The following IVD variants were observed in gnomAD, a reference collection of about 807,000 sequenced individuals.
The protein encoded by IVD is isovaleryl-CoA dehydrogenase, mitochondrial.
A neutral mutation model predicts 51.3 loss-of-function variants in IVD; 31 were observed. The ratio of observed to expected loss-of-function variants is 0.60; its 90% CI spans 0.45 to 0.81. The LOEUF is 0.81. Ranked by LOEUF, IVD falls within the 40% of genes least tolerant of loss-of-function variation. The pLI, the probability that IVD is intolerant of heterozygous loss-of-function variation, is 0.00. For synonymous variants in IVD, 205 were observed against 219.4 expected (o/e 0.93, Z 0.58); for missense variants, 475 against 552.0 (o/e 0.86, Z 1.40).
chr15:40,435,826 C>G (rs898424125), downstream of IVD: 3 of 575,640 alleles, frequency 5.2e-6, no homozygotes, highest in Non-Finnish European at 4.4e-6. Flanking sequence ...CCGCTCTCGG[C>G]TTAGCCCCTT....
chr15:40,423,612 C>A (rs1246992079), downstream of IVD, among the ~76,000 whole-genome samples: 1 of 152,152 alleles, frequency 6.6e-6, no homozygotes, highest in Non-Finnish European at 1.5e-5. Context: ...CAGGTGCACA[C>A]CACCATGCCC....
Position 40,407,734 on chromosome 15 carries a change from G to A in IVD, c.234+9G>A, listed in dbSNP as rs369931477. Reference sequence around the variant, plus strand: ...AGTTCAAGAACCTGCGAGTGAGTTGGGAGGTCCGGGCAGTCGGGGGCAGTC... The same window carrying A: ...AGTTCAAGAACCTGCGAGTGAGTTGAGAGGTCCGGGCAGTCGGGGGCAGTC... On this transcript the variant is annotated intron_variant, in intron 2 of 11. Coordinates refer to ENST00000487418, the MANE Select transcript of IVD (RefSeq NM_002225.5). The A allele has an allele frequency of 4.0e-5, 65 of 1,612,444 alleles. No individual in the cohort carries two copies. In the African/African-American group the frequency reaches 8.3e-4, roughly 21 times the overall value.
rs1893204795 is a variant in IVD, at chr15:40,435,308, G to A, written c.781-109G>A. On this transcript the variant is annotated intron_variant, in intron 8 of 8. Transcript: ENST00000473112. ...GCGAGTGAGGGAGGAGTGGAGCATG[G>A]GGGTCTCTCCATTTCTTCCCCGGGG... The A allele has an allele frequency of 4.1e-6, 3 of 738,088 alleles. No individual in the cohort carries two copies. In the South Asian group the frequency reaches 1.6e-4, roughly 41 times the overall value. The allele number at this position is 738,088 out of a possible 1,614,324, so 45.7% of individuals were successfully genotyped here. A position where few individuals can be genotyped will look rare whatever the true frequency, so the allele number is the denominator to read the frequency against.
downstream of IVD, among the ~76,000 whole-genome samples, chr15:40,429,395 A>T (rs1482970423): frequency 1.3e-5 from 2 of 152,214 alleles, no homozygotes; most frequent in East Asian, 3.8e-4. Context: ...GGGCCAAAAA[A>T]GTTTACGAGT....
At position 40,416,197 on chromosome 15, in the gene IVD, C is replaced by T. The variant is rs771914550; in HGVS notation, c.1065+15C>T. 1.2e-6 allele frequency: 2 copies of T among 1,613,862 alleles called. No homozygotes were observed. The highest frequency in any genetic ancestry group is 1.7e-5 in the Admixed American group (1 of 60,010). The stretch of plus-strand genomic sequence containing the variant: ...GCACTGCTAAGGTGAGGGCCAGCCT[C>T]AGTCGGGGAGAGGCGGGGGCAGTGG... On this transcript the variant is annotated intron_variant, in intron 10 of 11. Coordinates refer to ENST00000487418, the MANE Select transcript of IVD (RefSeq NM_002225.5).
At chr15:40,408,881 C>T (rs939907906) in intron 3 of IVD, among the ~76,000 whole-genome samples, 5 of 151,650 alleles carry the variant, frequency 3.3e-5, no homozygotes, top group Non-Finnish European at 7.4e-5. Context: ...ACCTGGGAGG[C>T]GGAGGTTGCA....
rs1267469376 is a variant in IVD at position 40,418,496 on chromosome 15, A to G, written c.*233A>G. The G allele has an allele frequency of 1.0e-5, 14 of 1,357,568 alleles. No homozygotes were observed. Among genetic ancestry groups the G allele is most frequent in the Middle Eastern group, 2.8e-4 (1 of 3,510 alleles). 84.1% of individuals were successfully genotyped at this position (1,357,568 alleles called of 1,614,324 possible). A position where few individuals can be genotyped will look rare whatever the true frequency, so the allele number is the denominator to read the frequency against. ...GTGATTTAAAATGGACTCAGCAGGA[A>G]GCATATTGTCTGGGGATTGTTGGGA... On this transcript the variant is annotated 3_prime_UTR_variant, in exon 12 of 12. Coordinates refer to ENST00000487418, the MANE Select transcript of IVD (RefSeq NM_002225.5).
intron 7 of IVD, chr15:40,433,776 A>T (rs1264663490): frequency 4.5e-6 from 2 of 445,536 alleles, no homozygotes; most frequent in Non-Finnish European, 9.0e-6. Context: ...TTTGCCAGGT[A>T]TCATGCCATG....
chr15:40,408,952 A>G (rs553965338), intron 3 of IVD, among the ~76,000 whole-genome samples: 2 of 152,228 alleles, frequency 1.3e-5, no homozygotes, highest in Admixed American at 6.5e-5. Context: ...TCCGTTTCAA[A>G]AAAAAAAGCC....
In IVD at chr15:40,420,220, C is replaced by T. The variant is rs538600078; in HGVS notation, c.*1957C>T. 1 of 986,556 alleles carries T rather than the reference C, an allele frequency of 1.0e-6. No homozygotes were observed. The highest frequency in any genetic ancestry group is 1.2e-6 in the Non-Finnish European group (1 of 830,202). The allele number at this position is 986,556 out of a possible 1,614,324, so 61.1% of individuals were successfully genotyped here. A position where few individuals can be genotyped will look rare whatever the true frequency, so the allele number is the denominator to read the frequency against. On this transcript the variant is annotated 3_prime_UTR_variant, in exon 12 of 12. Transcript: ENST00000487418. The stretch of plus-strand genomic sequence containing the variant: ...GACTGGCTCCTCCTGTACAGCACCT[C>T]TGAGCCCTTGTGCACCGCCCTGCCA...
intron 6 of IVD, 66 bp downstream of exon 6, chr15:40,411,757 G>A (rs1891114469): frequency 7.1e-6 from 11 of 1,557,346 alleles, no homozygotes; most frequent in African/African-American, 2.7e-5. Context: ...GAGATAGCCC[G>A]TTCACTGATC....
intron 1 of IVD, 59 bp downstream of exon 1, chr15:40,406,030 C>G (rs1157786902): frequency 7.2e-7 from 1 of 1,379,672 alleles, no homozygotes; most frequent in African/African-American, 1.4e-5. Context: ...GTCCCCAAGG[C>G]CTCCTTCCTG....
rs1035492488 is a variant in IVD, at chr15:40,407,931, G to A, written c.235-8G>A. 3 of 1,614,028 alleles carry A rather than the reference G, an allele frequency of 1.9e-6. No individual in the cohort carries two copies. Among genetic ancestry groups the A allele is most frequent in the Middle Eastern group, 1.7e-4 (1 of 6,038 alleles). ...CACTTATTCCACTCTGCTCCATTCTGTTGGCAGGAATTTTGGAAGCAGCTG... is the reference window on the plus strand; with the variant it reads ...CACTTATTCCACTCTGCTCCATTCTATTGGCAGGAATTTTGGAAGCAGCTG... On this transcript the variant is annotated splice_polypyrimidine_tract_variant and splice_region_variant and intron_variant, in intron 2 of 11. Coordinates refer to ENST00000487418, the MANE Select transcript of IVD (RefSeq NM_002225.5).
chr15:40,407,716 G>A lies in IVD; in HGVS notation c.225G>A (p.Lys75=), dbSNP rs1018215813. The A allele has an allele frequency of 4.3e-6, 7 of 1,614,092 alleles. No homozygotes were observed. Among genetic ancestry groups the A allele is most frequent in the Admixed American group, 1.7e-5 (1 of 60,030 alleles). The change falls in exon 2 of 12, where the codon AAG becomes AAA. Residue 75 remains lysine, a synonymous_variant. Coordinates refer to ENST00000487418, the MANE Select transcript of IVD (RefSeq NM_002225.5). ...AQEIDRSNEF[K]NLREFWKQLG... is the part of the protein sequence containing the mutation. ...AGATCGATCGCAGCAATGAGTTCAA[G>A]AACCTGCGAGTGAGTTGGGAGGTCC... is the stretch of plus-strand genomic sequence containing the variant.
downstream of IVD, among the ~76,000 whole-genome samples, chr15:40,425,430 T>C (rs1892610926): frequency 8.6e-6 from 1 of 116,574 alleles, no homozygotes; most frequent in African/African-American, 3.4e-5. Context: ...TTTCTATAGC[T>C]GGACTCATAC....
At chr15:40,406,017 C>T in intron 1 of IVD, 46 bp downstream of exon 1, 1 of 1,238,190 alleles carries the variant, frequency 8.1e-7, no homozygotes, top group Non-Finnish European at 1.1e-6. Flanking sequence ...TCCTTCCTGC[C>T]TGGTCCCCAA....
rs1891932529 is a variant in IVD at position 40,418,268 on chromosome 15, G to A, written c.*5G>A. On this transcript the variant is annotated 3_prime_UTR_variant, in exon 12 of 12. Coordinates refer to ENST00000487418, the MANE Select transcript of IVD (RefSeq NM_002225.5). ...TTCAATGCAGACTTTCACTAGTCCT[G>A]AGACCCTTCGCCCCCTTTTCCTGCA... The A allele has an allele frequency of 1.2e-6, 2 of 1,613,932 alleles. No homozygotes were observed. Among genetic ancestry groups the A allele is most frequent in the South Asian group, 1.1e-5 (1 of 91,050 alleles).
chr15:40,415,757 A>G (rs535935688), intron 9 of IVD, among the ~76,000 whole-genome samples: 42 of 152,340 alleles, frequency 2.8e-4, no homozygotes, highest in African/African-American at 1.0e-3. Flanking sequence ...CAGAAGGGAA[A>G]GAGGTTGCTA....
At chr15:40,425,527 G>GT (rs1027264066), downstream of IVD, among the ~76,000 whole-genome samples, 3 of 148,340 alleles carry the variant, frequency 2.0e-5, no homozygotes, top group Non-Finnish European at 4.5e-5. Flanking sequence ...TGTTTTCTTG[G>GT]TTTTTTTGTT....
Sources: allele counts gnomAD v4.1 joint callset (sites outside exome capture counted in the v4.1 genomes callset), GRCh38; gene constraint gnomAD v4.1.1; transcripts MANE v1.5; gene names NCBI Gene and HGNC (gene_info 2026-07-23, HGNC 2026-07-21).